The following NCAM2 variants were observed in gnomAD, a reference collection of about 807,000 sequenced individuals.
NCAM2 encodes the protein neural cell adhesion molecule 2, also known as N-CAM-2.
NCAM2 carries 30 observed loss-of-function variants against 98.1 expected under a neutral mutation model. That is an observed-to-expected ratio of 0.31 (90% confidence interval 0.23 to 0.41). The LOEUF is 0.41. Ranked by LOEUF, NCAM2 falls within the 10% of genes least tolerant of loss-of-function variation. The pLI is 1.00. For missense variants in NCAM2, 867 were observed against 1,005.8 expected (o/e 0.86, Z 1.87); for synonymous variants, 368 against 342.4 (o/e 1.07, Z -0.83).
intron 12 of NCAM2, among the ~76,000 whole-genome samples, chr21:21,433,919 A>G (rs2077410093): frequency 1.5e-5 from 2 of 130,084 alleles, no homozygotes. Flanking sequence ...AATTAATATT[A>G]AGTCTGAATA....
chr21:21,494,675 T>G (rs1046376829), intron 15 of NCAM2, among the ~76,000 whole-genome samples: 2 of 151,946 alleles, frequency 1.3e-5, no homozygotes. Flanking sequence ...AGATATTTTA[T>G]ATGTGCCAAA....
At chr21:21,404,259 T>C (rs887150222) in intron 9 of NCAM2, among the ~76,000 whole-genome samples, 1 of 152,150 alleles carries the variant, frequency 6.6e-6, no homozygotes, top group Non-Finnish European at 1.5e-5. Flanking sequence ...CAATATATTG[T>C]ATGTATATGT....
chr21:21,518,023 A>G (rs1038590784), intron 16 of NCAM2, among the ~76,000 whole-genome samples: 8 of 152,188 alleles, frequency 5.3e-5, no homozygotes, highest in African/African-American at 1.4e-4. Context: ...CTTTCTTCAT[A>G]AAATGAGAAT....
intron 1 of NCAM2, among the ~76,000 whole-genome samples, chr21:21,158,612 C>CAAAA (rs34097159): frequency 1.4e-5 from 2 of 144,314 alleles, no homozygotes; most frequent in Non-Finnish European, 3.0e-5. Flanking sequence ...CCCGCCCCCG[C>CAAAA]AAAAAAAAAA....
At chr21:21,536,032 G>T (rs1422364167) in intron 17 of NCAM2, among the ~76,000 whole-genome samples, 1 of 152,084 alleles carries the variant, frequency 6.6e-6, no homozygotes, top group African/African-American at 2.4e-5. Flanking sequence ...TCTACAGTTT[G>T]ATGCTTGAGG....
intron 12 of NCAM2, among the ~76,000 whole-genome samples, chr21:21,454,284 A>C (rs1168489375): frequency 2.6e-5 from 4 of 152,066 alleles, no homozygotes; most frequent in African/African-American, 9.7e-5. Context: ...GTATATATGG[A>C]GTGTGTATGT....
intron 11 of NCAM2, among the ~76,000 whole-genome samples, chr21:21,422,063 A>G (rs1256067386): frequency 6.6e-6 from 1 of 151,244 alleles, no homozygotes; most frequent in East Asian, 2.0e-4. Context: ...GCCTGAGCAG[A>G]GTGAATGGAG....
At chr21:21,268,310 G>A (rs943642756) in intron 1 of NCAM2, among the ~76,000 whole-genome samples, 1 of 152,148 alleles carries the variant, frequency 6.6e-6, no homozygotes, top group African/African-American at 2.4e-5. Flanking sequence ...AAGCTACATT[G>A]TGCTGCATGT....
chr21:21,036,191 C>T (rs1343635127), intron 1 of NCAM2, among the ~76,000 whole-genome samples: 2 of 152,064 alleles, frequency 1.3e-5, no homozygotes, highest in Non-Finnish European at 2.9e-5. Context: ...AATATGATCC[C>T]CACTCACTGT....
intron 1 of NCAM2, among the ~76,000 whole-genome samples, chr21:21,214,296 G>A (rs2069776663): frequency 6.6e-6 from 1 of 152,056 alleles, no homozygotes; most frequent in Non-Finnish European, 1.5e-5. Flanking sequence ...CCCATTTTCT[G>A]CATTCTTTAG....
At chr21:21,105,218 A>C (rs2093740683) in intron 1 of NCAM2, among the ~76,000 whole-genome samples, 1 of 152,214 alleles carries the variant, frequency 6.6e-6, no homozygotes, top group Admixed American at 6.5e-5. Context: ...AATGACATGA[A>C]GTAGGACTTC....
chr21:21,524,405 G>A (rs1431116662), intron 16 of NCAM2, among the ~76,000 whole-genome samples: 2 of 146,586 alleles, frequency 1.4e-5, no homozygotes, highest in Admixed American at 7.0e-5. Flanking sequence ...GCCCTATAAG[G>A]AACTCATTCA....
At chr21:21,277,164 A>G (rs1452081061) in intron 1 of NCAM2, among the ~76,000 whole-genome samples, 1 of 152,094 alleles carries the variant, frequency 6.6e-6, no homozygotes, top group Non-Finnish European at 1.5e-5. Flanking sequence ...TCATTCCAAA[A>G]TTATATGTTG....
At chr21:21,247,287 C>T (rs1172995658) in intron 1 of NCAM2, among the ~76,000 whole-genome samples, 1 of 152,140 alleles carries the variant, frequency 6.6e-6, no homozygotes, top group Admixed American at 6.5e-5. Flanking sequence ...CCACTGCACT[C>T]CAGCTTGGGC....
intron 1 of NCAM2, among the ~76,000 whole-genome samples, chr21:21,001,216 A>T (rs954402559): frequency 6.6e-6 from 1 of 152,172 alleles, no homozygotes; most frequent in South Asian, 2.1e-4. Context: ...AGTGAATGCC[A>T]ATACTATAAT....
At chr21:21,021,772 G>T (rs1056283414) in intron 1 of NCAM2, among the ~76,000 whole-genome samples, 2 of 152,058 alleles carry the variant, frequency 1.3e-5, no homozygotes, top group Admixed American at 6.6e-5. Context: ...TGAACGACTA[G>T]TACAAAGATT....
At chr21:21,464,986 A>T (rs1983488006) in intron 12 of NCAM2, among the ~76,000 whole-genome samples, 1 of 152,116 alleles carries the variant, frequency 6.6e-6, no homozygotes, top group African/African-American at 2.4e-5. Context: ...ATAATGTATT[A>T]TAATCTGAGG....
rs112339709 is a variant in NCAM2 at position 21,098,673 on chromosome 21, A to G, written c.55+100055A>G. 6.8e-3 allele frequency among the ~76,000 whole-genome samples: 1,037 copies of G among 151,982 alleles called. 3 individuals carry two copies. The highest frequency in any genetic ancestry group is 0.02 in the South Asian group (98 of 4,818). On this transcript the variant is annotated intron_variant, in intron 1 of 17. Transcript: ENST00000400546. ...TAGTTTGACTTAATTCTAAAGCTGA[A>G]GTATTTTCTAAGATGTGCGTGGCAA...
intron 1 of NCAM2, among the ~76,000 whole-genome samples, chr21:21,100,813 A>G (rs1479067101): frequency 2.0e-5 from 3 of 152,008 alleles, no homozygotes; most frequent in Non-Finnish European, 4.4e-5. Context: ...ACCTGTACGC[A>G]TAGACACATA....
Sources: allele counts gnomAD v4.1 joint callset (sites outside exome capture counted in the v4.1 genomes callset), GRCh38; gene constraint gnomAD v4.1.1; transcripts MANE v1.5; gene names NCBI Gene and HGNC (gene_info 2026-07-23, HGNC 2026-07-21).